GNGT2: variants seen among roughly 807,000 people sequenced by gnomAD.
GNGT2 encodes the protein guanine nucleotide-binding protein G(I)/G(S)/G(O) subunit gamma-T2.
A neutral mutation model predicts 3.5 loss-of-function variants in GNGT2; 4 were observed. That is an observed-to-expected ratio of 1.13 (90% CI 0.56 to 2.59). GNGT2 has a LOEUF of 2.59. Among genes scored for constraint, GNGT2 ranks in the 30% most tolerant of loss-of-function variants. The pLI is 0.02. For synonymous variants in GNGT2, 31 were observed against 29.5 expected (o/e 1.05, Z -0.17); for missense variants, 64 against 81.2 (o/e 0.79, Z 0.82).
chr17:49,208,707 T>G (rs144573530), intron 2 of GNGT2, 138 bp downstream of exon 2: 41 of 152,276 alleles, frequency 2.7e-4, no homozygotes, highest in African/African-American at 8.2e-4. Context: ...TAATGAACAC[T>G]TAATACACTT....
rs147752514 is a variant in GNGT2 at position 49,206,548 on chromosome 17, C to G, written c.*209G>C. 4.2e-4 allele frequency: 232 copies of G among 549,226 alleles called. No individual in the cohort carries two copies. Among genetic ancestry groups the G allele is most frequent in the African/African-American group, 3.7e-3 (191 of 51,504 alleles). The allele number at this position is 549,226 out of a possible 1,614,324, so 34.0% of individuals were successfully genotyped here. On this transcript the variant is annotated 3_prime_UTR_variant, in exon 4 of 4. Transcript: ENST00000507680. ...CACACTGTCCTCAGAGTGTTCCCAG[C>G]AAGGTCAGCAGAGACCCAGCAGGTG... is the stretch of plus-strand genomic sequence containing the variant.
rs751167025 is a variant in GNGT2, at chr17:49,206,828, C to T, written c.139G>A (p.Asp47Asn). 13 of 1,613,552 alleles carry T rather than the reference C, an allele frequency of 8.1e-6. No individual in the cohort carries two copies. The highest frequency in any genetic ancestry group is 1.1e-5 in the South Asian group (1 of 91,044). The part of the protein sequence containing the change: ...KEYVEAQAGN[D>N]PFLKGIPEDK... ...TCAGGGATGCCTTTGAGAAAAGGAT[C>T]GTTTCCTGCTTGGGCCTCCACGTAC... The change falls in exon 4 of 4, where the codon GAT becomes AAT. Residue 47 changes from aspartate to asparagine, a missense_variant. Physicochemically the swap from Asp to Asn is conservative, Grantham distance 23. Transcript: ENST00000507680.
intron 3 of GNGT2, 146 bp from the exon 4 acceptor site, chr17:49,207,028 G>T (rs896328072): frequency 1.2e-5 from 10 of 857,958 alleles, no homozygotes; most frequent in South Asian, 1.0e-4. Flanking sequence ...GTGTTCGGGG[G>T]TGTGAGTTCC....
At position 49,207,850 on chromosome 17, in the gene GNGT2, G is replaced by A. The variant is rs1268710847; in HGVS notation, c.-22-406C>T. On this transcript the variant is annotated intron_variant, in intron 2 of 3. Transcript: ENST00000507680. ...CTTTCTCTCCAGGTCCAGCAAGGGA[G>A]AGTATACAATAATGGTCAAGAGAAG... 1.3e-5 allele frequency among the ~76,000 whole-genome samples: 2 copies of A among 152,188 alleles called. 1 individual carries two copies. The highest frequency in any genetic ancestry group is 4.1e-4 in the South Asian group (2 of 4,820).
chr17:49,206,502 G>A lies in GNGT2; in HGVS notation c.*255C>T, dbSNP rs2043108321. On this transcript the variant is annotated 3_prime_UTR_variant, in exon 4 of 4. Transcript: ENST00000507680. The stretch of plus-strand genomic sequence containing the variant: ...AGGCTTCTCACACCCCACCACCCAT[G>A]GGGCCAACCGCTCGGCCAGCCACAC... 4.4e-6 allele frequency: 2 copies of A among 453,260 alleles called. No homozygotes were observed. Among genetic ancestry groups the A allele is most frequent in the African/African-American group, 2.1e-5 (1 of 48,368 alleles). 28.1% of individuals were successfully genotyped at this position (453,260 alleles called of 1,614,324 possible). A position where few individuals can be genotyped will look rare whatever the true frequency, so the allele number is the denominator to read the frequency against.
chr17:49,208,729 T>C (rs2043129666), intron 2 of GNGT2, 116 bp downstream of exon 2: 1 of 152,154 alleles, frequency 6.6e-6, no homozygotes, highest in Admixed American at 6.5e-5. Context: ...TTATTATCAC[T>C]AATAATGCTA....
Position 49,206,515 on chromosome 17 carries a change from C to T in GNGT2, c.*242G>A, listed in dbSNP as rs770885737. The T allele has an allele frequency of 4.2e-6, 2 of 474,024 alleles. No individual in the cohort carries two copies. The highest frequency in any genetic ancestry group is 4.2e-5 in the Admixed American group (1 of 23,610). The allele number at this position is 474,024 out of a possible 1,614,324, so 29.4% of individuals were successfully genotyped here. A position where few individuals can be genotyped will look rare whatever the true frequency, so the allele number is the denominator to read the frequency against. On this transcript the variant is annotated 3_prime_UTR_variant, in exon 4 of 4. Transcript: ENST00000507680. The stretch of plus-strand genomic sequence containing the variant: ...CCCACCACCCATGGGGCCAACCGCT[C>T]GGCCAGCCACACTGTCCTCAGAGTG...
rs1199057202 is a variant in GNGT2, at chr17:49,206,853, C to A, written c.114G>T (p.Glu38Asp). The A allele has an allele frequency of 6.2e-7, 1 of 1,613,660 alleles. No individual in the cohort carries two copies. Among genetic ancestry groups the A allele is most frequent in the Non-Finnish European group, 8.5e-7 (1 of 1,179,846 alleles). Residue 38 changes from glutamate to aspartate, a missense_variant, in exon 4 of 4, where the codon GAG becomes GAT. Glu to Asp is a conservative substitution (Grantham distance 45, BLOSUM62 2). Transcript: ENST00000507680. ...CGTTTCCTGCTTGGGCCTCCACGTA[C>A]TCCTTGATTTCCTTTCCCGCTTTGG... ...PISKAGKEIK[E>D]YVEAQAGNDP...
At chr17:49,207,577 A>C in intron 2 of GNGT2, 133 bp from the exon 3 acceptor site, 1 of 642,544 alleles carries the variant, frequency 1.6e-6, no homozygotes, top group Non-Finnish European at 2.8e-6. Context: ...TATTCACTCC[A>C]TCCTTGCATG....
chr17:49,207,208 C>T lies in GNGT2; in HGVS notation c.84+131G>A, dbSNP rs564433367. ...CCCCAGCCTTTCTCTGCATCCTACC[C>T]CATCCCAGAGGTACCTCCTGCTGCT... On this transcript the variant is annotated intron_variant, in intron 3 of 3. Transcript: ENST00000507680. 32 of 780,918 alleles carry T rather than the reference C, an allele frequency of 4.1e-5. No homozygotes were observed. In the African/African-American group the frequency reaches 5.1e-4, roughly 12 times the overall value. The allele number at this position is 780,918 out of a possible 1,614,324, so 48.4% of individuals were successfully genotyped here. A position where few individuals can be genotyped will look rare whatever the true frequency, so the allele number is the denominator to read the frequency against.
intron 2 of GNGT2, 43 bp from the exon 3 acceptor site, chr17:49,207,487 C>A (rs779023708): frequency 9.4e-7 from 1 of 1,069,516 alleles, no homozygotes; most frequent in Non-Finnish European, 1.5e-6. Context: ...CTCATCAGCT[C>A]TTCCAGCTCC....
intron 3 of GNGT2, 30 bp from the exon 4 acceptor site, chr17:49,206,912 CT>C: frequency 6.2e-7 from 1 of 1,613,610 alleles, no homozygotes; most frequent in Non-Finnish European, 8.5e-7. Context: ...GTTTTAGGTC[CT>C]TGTTACTGTC....
Position 49,206,574 on chromosome 17 carries a change from G to A in GNGT2, c.*183C>T, listed in dbSNP as rs545201539. Reference sequence around the variant, plus strand: ...AAGGTCAGCAGAGACCCAGCAGGTGGAGGAAATAATGGGAGAAAAGAGTTG... The same window carrying A: ...AAGGTCAGCAGAGACCCAGCAGGTGAAGGAAATAATGGGAGAAAAGAGTTG... On this transcript the variant is annotated 3_prime_UTR_variant, in exon 4 of 4. Coordinates refer to ENST00000507680, the MANE Select transcript of GNGT2 (RefSeq NM_001198754.2). The A allele has an allele frequency of 8.7e-5, 52 of 599,380 alleles. No individual in the cohort carries two copies. Among genetic ancestry groups the A allele is most frequent in the Non-Finnish European group, 1.4e-4 (50 of 349,528 alleles). 37.1% of individuals were successfully genotyped at this position (599,380 alleles called of 1,614,324 possible).
At chr17:49,208,325 G>C (rs1361595281) in intron 2 of GNGT2, among the ~76,000 whole-genome samples, 1 of 151,660 alleles carries the variant, frequency 6.6e-6, no homozygotes, top group Non-Finnish European at 1.5e-5. Context: ...GGCAGGCGTG[G>C]TGGCGGGCAC....
Position 49,208,941 on chromosome 17 carries a change from A to C in GNGT2, c.-119T>G, listed in dbSNP as rs148021924. The C allele has an allele frequency of 2.4e-4, 37 of 152,356 alleles. No homozygotes were observed. The highest frequency in any genetic ancestry group is 8.2e-4 in the African/African-American group (34 of 41,542). 9.4% of individuals were successfully genotyped at this position (152,356 alleles called of 1,614,324 possible). A position where few individuals can be genotyped will look rare whatever the true frequency, so the allele number is the denominator to read the frequency against. ...TTCTTCATCAGCTGAAAATCTTCAG[A>C]TAAAGCAGATGGCCTGGAAACCAAA... On this transcript the variant is annotated 5_prime_UTR_variant, in exon 2 of 4. Coordinates refer to ENST00000507680, the MANE Select transcript of GNGT2 (RefSeq NM_001198754.2).
chr17:49,209,153 C>G (rs1191000815), intron 1 of GNGT2, 199 bp from the exon 2 acceptor site: 1 of 152,472 alleles, frequency 6.6e-6, no homozygotes, highest in African/African-American at 2.4e-5. Context: ...ACCTCACTAG[C>G]TTAGAGCCCG....
At chr17:49,207,197 T>G in intron 3 of GNGT2, 142 bp downstream of exon 3, 1 of 755,064 alleles carries the variant, frequency 1.3e-6, no homozygotes, top group Non-Finnish European at 2.4e-6. Context: ...AGCCTTTCTC[T>G]GCATCCTACC....
At position 49,207,321 on chromosome 17, in the gene GNGT2, C is replaced by T. The variant is rs2293215; in HGVS notation, c.84+18G>A. On this transcript the variant is annotated intron_variant, in intron 3 of 3. Transcript: ENST00000507680. ...AGGAACAGGAAGGGAAGAGCAGGGA[C>T]GGGGCGAGGAGGCTCACCGGAATTC... 0.2 allele frequency: 315,368 copies of T among 1,570,442 alleles called. 35,607 individuals are homozygous for T. The highest frequency in any genetic ancestry group is 0.5 in the East Asian group (22,509 of 44,642).
chr17:49,208,409 C>T (rs1287789839), intron 2 of GNGT2, among the ~76,000 whole-genome samples: 1 of 148,988 alleles, frequency 6.7e-6, no homozygotes. Context: ...TGCAGTGAGC[C>T]GAGATCACAC....
Sources: gnomAD v4.1 joint callset for allele counts (sites outside exome capture counted in the v4.1 genomes callset) on GRCh38, gnomAD v4.1.1 for gene constraint, MANE v1.5 for transcripts, NCBI Gene and HGNC (gene_info 2026-07-23, HGNC 2026-07-21) for gene names.